The following PDS5B variants were observed in gnomAD, a reference collection of about 807,000 sequenced individuals.
PDS5B encodes sister chromatid cohesion protein PDS5 homolog B.
PDS5B carries 51 observed loss-of-function variants against 184.1 expected under a neutral mutation model. That is an observed-to-expected ratio of 0.28 (90% confidence interval 0.22 to 0.35). The LOEUF (loss-of-function observed/expected upper bound fraction) is 0.35, where lower values mean the gene tolerates loss of function less well. Among genes scored for constraint, PDS5B ranks in the 10% least tolerant of loss-of-function variants. The pLI is 1.00. For synonymous variants in PDS5B, 566 were observed against 569.2 expected, an observed-to-expected ratio of 0.99 and a Z score of 0.08; for missense variants, 1,180 against 1,723.3, an observed-to-expected ratio of 0.68 and a Z score of 5.58.
chr13:32,676,917 C>T (rs1472617064), intron 9 of PDS5B, among the ~76,000 whole-genome samples: 3 of 110,790 alleles, frequency 2.7e-5, no homozygotes, highest in Admixed American at 1.4e-4. Context: ...GGCGACAGAG[C>T]GAGACTCTTG....
At chr13:32,600,402 T>A (rs568177509) in intron 1 of PDS5B, among the ~76,000 whole-genome samples, 1 of 152,154 alleles carries the variant, frequency 6.6e-6, no homozygotes, top group Non-Finnish European at 1.5e-5. Flanking sequence ...TATATTGAAT[T>A]TTTGGAACCT....
At chr13:32,728,424 G>A (rs1368742018) in intron 19 of PDS5B, among the ~76,000 whole-genome samples, 1 of 148,582 alleles carries the variant, frequency 6.7e-6, no homozygotes, top group Non-Finnish European at 1.5e-5. Flanking sequence ...GCTTTCCATG[G>A]TCCTTTTCCT....
chr13:32,654,367 G>T (rs1277270556), intron 3 of PDS5B, among the ~76,000 whole-genome samples: 2 of 152,132 alleles, frequency 1.3e-5, no homozygotes, highest in African/African-American at 4.8e-5. Context: ...TTCATGTTTA[G>T]GCAGTAATTG....
chr13:32,681,189 G>C (rs1419686474), intron 10 of PDS5B, among the ~76,000 whole-genome samples: 1 of 152,152 alleles, frequency 6.6e-6, no homozygotes, highest in African/African-American at 2.4e-5. Context: ...ACAGATGAGG[G>C]CTTGCGGTAT....
chr13:32,700,978 A>C (rs1239375088), intron 16 of PDS5B: 2 of 159,216 alleles, frequency 1.3e-5, no homozygotes, highest in African/African-American at 2.4e-5. Context: ...AAGTTTGTGC[A>C]TCCAGTGACT....
chr13:32,608,487 A>G (rs1397400197), intron 1 of PDS5B, among the ~76,000 whole-genome samples: 1 of 152,150 alleles, frequency 6.6e-6, no homozygotes, highest in Non-Finnish European at 1.5e-5. Flanking sequence ...TATATTTTTA[A>G]CGAATTGTAG....
chr13:32,716,071 C>T (rs1356203893), intron 19 of PDS5B, among the ~76,000 whole-genome samples: 1 of 152,072 alleles, frequency 6.6e-6, no homozygotes, highest in African/African-American at 2.4e-5. Context: ...CAGCCTCTGC[C>T]CGGCCACCAC....
At chr13:32,731,318 C>T (rs539866839) in intron 19 of PDS5B, among the ~76,000 whole-genome samples, 3 of 152,128 alleles carry the variant, frequency 2.0e-5, no homozygotes, top group South Asian at 2.1e-4. Flanking sequence ...CTCCTTTATT[C>T]GGTATTCGTT....
At chr13:32,733,540 T>C (rs185774485) in intron 20 of PDS5B, among the ~76,000 whole-genome samples, 1 of 152,320 alleles carries the variant, frequency 6.6e-6, no homozygotes, top group East Asian at 1.9e-4. Flanking sequence ...AGTAAACTCA[T>C]TTAAATGTAT....
At chr13:32,594,448 G>C (rs1342061866) in intron 1 of PDS5B, among the ~76,000 whole-genome samples, 1 of 152,186 alleles carries the variant, frequency 6.6e-6, no homozygotes, top group African/African-American at 2.4e-5. Flanking sequence ...GGAGGAAAGA[G>C]GCTGGTATAA....
chr13:32,593,745 G>A (rs1452561490), intron 1 of PDS5B, among the ~76,000 whole-genome samples: 1 of 152,134 alleles, frequency 6.6e-6, no homozygotes, highest in Non-Finnish European at 1.5e-5. Context: ...GTGGATCATC[G>A]TAAAGGTCGT....
At chr13:32,714,430 A>T (rs1161917610) in intron 19 of PDS5B, among the ~76,000 whole-genome samples, 1 of 152,200 alleles carries the variant, frequency 6.6e-6, no homozygotes, top group Non-Finnish European at 1.5e-5. Flanking sequence ...CAGGGTTTTG[A>T]GATCAACCGG....
chr13:32,678,999 GAA>G (rs11355777), intron 10 of PDS5B, 70 bp downstream of exon 10: 18 of 710,900 alleles, frequency 2.5e-5, no homozygotes, highest in African/African-American at 7.3e-5. Flanking sequence ...TTCATAGGGG[GAA>G]AAAAAACCCC....
At chr13:32,705,682 T>A (rs1445525443) in intron 17 of PDS5B, among the ~76,000 whole-genome samples, 1 of 152,124 alleles carries the variant, frequency 6.6e-6, no homozygotes, top group Non-Finnish European at 1.5e-5. Flanking sequence ...ATTACAAATG[T>A]TTATTTATAT....
intron 10 of PDS5B, among the ~76,000 whole-genome samples, chr13:32,682,929 G>A (rs1052877556): frequency 6.6e-6 from 1 of 151,996 alleles, no homozygotes; most frequent in East Asian, 1.9e-4. Flanking sequence ...TTTACTTGTT[G>A]TCCATCTGCC....
chr13:32,640,570 C>T (rs1415319908), intron 1 of PDS5B, among the ~76,000 whole-genome samples: 1 of 152,020 alleles, frequency 6.6e-6, no homozygotes, highest in Non-Finnish European at 1.5e-5. Context: ...TTTTCTTATG[C>T]TTACTGTTCA....
At chr13:32,625,220 G>A (rs948876401) in intron 1 of PDS5B, among the ~76,000 whole-genome samples, 1 of 152,048 alleles carries the variant, frequency 6.6e-6, no homozygotes, top group African/African-American at 2.4e-5. Flanking sequence ...GGGCTCAAGC[G>A]ATCCTCCCAC....
rs777740232 is a variant in PDS5B at position 32,760,634 on chromosome 13, A to G, written c.3432A>G (p.Gln1144=). 210 of 1,613,970 alleles carry G rather than the reference A, an allele frequency of 1.3e-4. No individual in the cohort carries two copies. The highest frequency in any genetic ancestry group is 3.4e-4 in the South Asian group (31 of 91,086). The change falls in exon 30 of 35, where the codon CAA becomes CAG. Residue 1144 remains glutamine, a synonymous_variant. Coordinates refer to ENST00000315596, the MANE Select transcript of PDS5B (RefSeq NM_015032.4). The part of the protein sequence containing the change: ...VNKPLSSAGK[Q]SQTKSSRMET... ...AGCCACTTTCATCAGCAGGCAAGCA[A>G]TCTCAGACCAAATCATCACGAATGG...
chr13:32,755,999 T>C, intron 26 of PDS5B, 43 bp downstream of exon 26: 1 of 920,808 alleles, frequency 1.1e-6, no homozygotes, highest in Non-Finnish European at 1.8e-6. Flanking sequence ...CTGAAAGTTA[T>C]TTTTTCTCCT....
Sources: allele counts gnomAD v4.1 joint callset (sites outside exome capture counted in the v4.1 genomes callset), GRCh38; gene constraint gnomAD v4.1.1; transcripts MANE v1.5; gene names NCBI Gene and HGNC (gene_info 2026-07-23, HGNC 2026-07-21).